The following LRRC4C variants were observed in gnomAD, a reference collection of about 807,000 sequenced individuals.
LRRC4C encodes the protein leucine rich repeat containing 4C.
Under a neutral mutation model 33.6 loss-of-function variants are expected in LRRC4C, and 5 were observed. The observed-to-expected ratio is 0.15, with a 90% CI of 0.08 to 0.31. The LOEUF (loss-of-function observed/expected upper bound fraction) is 0.31. Ranked by LOEUF, LRRC4C falls within the 10% of genes least tolerant of loss-of-function variation. The pLI is 1.00. For missense variants in LRRC4C, 560 were observed against 796.7 expected, an observed-to-expected ratio of 0.70 and a Z score of 3.58; for synonymous variants, 329 against 302.0, an observed-to-expected ratio of 1.09 and a Z score of -0.93.
intron 2 of LRRC4C, among the ~76,000 whole-genome samples, chr11:40,858,763 A>G (rs1178797372): frequency 1.3e-5 from 2 of 150,516 alleles, no homozygotes; most frequent in Non-Finnish European, 3.0e-5. Context: ...CTAAGCTTAT[A>G]TTCTGTATTC....
intron 2 of LRRC4C, among the ~76,000 whole-genome samples, chr11:40,804,133 G>T (rs966417364): frequency 6.6e-6 from 1 of 151,630 alleles, no homozygotes; most frequent in South Asian, 2.1e-4. Flanking sequence ...AGTAAAAATG[G>T]CCCTTTTCCT....
At chr11:40,389,369 GC>G in intron 3 of LRRC4C, among the ~76,000 whole-genome samples, 1 of 152,132 alleles carries the variant, frequency 6.6e-6, no homozygotes, top group South Asian at 2.1e-4. Context: ...CAGGTACACG[GC>G]GTGGGTTAGT....
In LRRC4C at chr11:40,887,680, A is replaced by G. The variant is rs182899282; in HGVS notation, c.-407+45955T>C. Among the ~76,000 whole-genome samples, 326 of 152,178 alleles carry G rather than the reference A, an allele frequency of 2.1e-3. 1 individual carries two copies. The highest frequency in any genetic ancestry group is 7.5e-3 in the African/African-American group (310 of 41,570). ...TAGTTTGGAAGAGAAATTAAAAGGT[A>G]GGTCTATGATCTCTCCAGGGTATGT... On this transcript the variant is annotated intron_variant, in intron 2 of 6. Transcript: ENST00000528697.
At chr11:40,650,426 C>A (rs908325312) in intron 2 of LRRC4C, among the ~76,000 whole-genome samples, 1 of 152,144 alleles carries the variant, frequency 6.6e-6, no homozygotes, top group Non-Finnish European at 1.5e-5. Flanking sequence ...AGGAAAGTAA[C>A]CTGACAGTAA....
chr11:40,423,025 T>C (rs1299074087), intron 3 of LRRC4C, among the ~76,000 whole-genome samples: 1 of 152,182 alleles, frequency 6.6e-6, no homozygotes, highest in Non-Finnish European at 1.5e-5. Context: ...TACTATTACC[T>C]ATGTCTATTT....
In LRRC4C at chr11:40,811,468, A is replaced by C. The variant is rs116954865; in HGVS notation, c.-407+122167T>G. 6.2e-3 allele frequency among the ~76,000 whole-genome samples: 948 copies of C among 152,268 alleles called. 4 individuals are homozygous for C. The highest frequency in any genetic ancestry group is 9.7e-3 in the Non-Finnish European group (663 of 68,010). ...CAGTGCATGCCAGAGGGAAGCTATCAATAAATATATTTGAATTAATATATA... is the reference window on the plus strand; with the variant it reads ...CAGTGCATGCCAGAGGGAAGCTATCCATAAATATATTTGAATTAATATATA... On this transcript the variant is annotated intron_variant, in intron 2 of 6. Transcript: ENST00000528697.
intron 3 of LRRC4C, among the ~76,000 whole-genome samples, chr11:40,640,402 T>TAGTTCA (rs1942035355): frequency 2.0e-5 from 3 of 152,126 alleles, no homozygotes; most frequent in Non-Finnish European, 4.4e-5. Flanking sequence ...TCATGAACTA[T>TAGTTCA]TGCCTTTATC....
chr11:40,495,647 A>G (rs1399247600), intron 3 of LRRC4C, among the ~76,000 whole-genome samples: 1 of 152,052 alleles, frequency 6.6e-6, no homozygotes, highest in Non-Finnish European at 1.5e-5. Context: ...ACTTTCTACC[A>G]GTAATCTTTG....
chr11:40,926,056 AAATCT>A (rs1957396037), intron 2 of LRRC4C, among the ~76,000 whole-genome samples: 1 of 143,796 alleles, frequency 7.0e-6, no homozygotes, highest in African/African-American at 2.4e-5. Flanking sequence ...TTTTAAGTCC[AAATCT>A]AAGGGTTTTT....
intron 2 of LRRC4C, among the ~76,000 whole-genome samples, chr11:40,928,613 C>T (rs1207542066): frequency 1.3e-5 from 2 of 152,048 alleles, no homozygotes; most frequent in East Asian, 3.9e-4. Context: ...AGGCCACAGT[C>T]CAGTCATAGT....
At chr11:40,198,047 A>G (rs2135697633) in intron 5 of LRRC4C, among the ~76,000 whole-genome samples, 1 of 152,312 alleles carries the variant, frequency 6.6e-6, no homozygotes, top group Non-Finnish European at 1.5e-5. Context: ...AGATGGGGAA[A>G]AGTTCACGTG....
intron 1 of LRRC4C, among the ~76,000 whole-genome samples, chr11:41,232,936 A>G (rs1370860579): frequency 6.6e-6 from 1 of 152,088 alleles, no homozygotes; most frequent in African/African-American, 2.4e-5. Flanking sequence ...TCATTGAATG[A>G]ACTCATGTTT....
intron 1 of LRRC4C, among the ~76,000 whole-genome samples, chr11:41,222,445 T>C (rs1005613935): frequency 2.6e-5 from 4 of 152,050 alleles, no homozygotes; most frequent in Non-Finnish European, 4.4e-5. Context: ...AAGTCAGACA[T>C]CTGATAGGAT....
chr11:40,749,114 C>T (rs537008627), intron 2 of LRRC4C, among the ~76,000 whole-genome samples: 2 of 152,178 alleles, frequency 1.3e-5, no homozygotes, highest in African/African-American at 4.8e-5. Flanking sequence ...GGAATTTAGA[C>T]CAAGTGAACT....
At chr11:41,437,411 ACG>A (rs781578463) in intron 1 of LRRC4C, among the ~76,000 whole-genome samples, 11 of 147,810 alleles carry the variant, frequency 7.4e-5, no homozygotes, top group African/African-American at 1.3e-4. Context: ...ACACACACAA[ACG>A]CGCGCGCGCG....
At chr11:40,821,429 C>T (rs1354387251) in intron 2 of LRRC4C, among the ~76,000 whole-genome samples, 9 of 151,442 alleles carry the variant, frequency 5.9e-5, no homozygotes, top group African/African-American at 2.2e-4. Context: ...AGGGTATAAT[C>T]GGTGCCAGGA....
At chr11:40,363,566 A>T (rs1948066146) in intron 3 of LRRC4C, among the ~76,000 whole-genome samples, 1 of 152,108 alleles carries the variant, frequency 6.6e-6, no homozygotes, top group South Asian at 2.1e-4. Context: ...GTAAAATAAA[A>T]GTAAAAAAAA....
In LRRC4C at chr11:40,223,375, G is replaced by T. The variant is rs553657095; in HGVS notation, c.-96+18144C>A. Among the ~76,000 whole-genome samples the T allele has an allele frequency of 1.8e-4, 27 of 152,218 alleles. 1 individual carries two copies. The South Asian group carries it at 5.6e-3, about 32-fold the overall frequency. ...ATCATGAGGGCTAGTGTGATTCAGG[G>T]ACCTACAGCAAACGACAAAAAGAAA... On this transcript the variant is annotated intron_variant, in intron 5 of 6. Coordinates refer to ENST00000528697, the MANE Select transcript of LRRC4C (RefSeq NM_001258419.2).
intron 1 of LRRC4C, among the ~76,000 whole-genome samples, chr11:41,178,780 T>A (rs548036004): frequency 3.3e-5 from 5 of 152,308 alleles, no homozygotes; most frequent in African/African-American, 1.2e-4. Context: ...CTCAGGTCAC[T>A]GCAACTTCTG....
Sources: gnomAD v4.1 joint callset for allele counts (sites outside exome capture counted in the v4.1 genomes callset) on GRCh38, gnomAD v4.1.1 for gene constraint, MANE v1.5 for transcripts, NCBI Gene and HGNC (gene_info 2026-07-23, HGNC 2026-07-21) for gene names.